KIF2C: variants seen among roughly 807,000 people sequenced by gnomAD.
KIF2C encodes kinesin family member 2C, also known as kinesin-like protein KIF2C.
A neutral mutation model predicts 97.4 loss-of-function variants in KIF2C; 34 were observed. That is an observed-to-expected ratio of 0.35 (90% CI 0.27 to 0.46). KIF2C has a LOEUF of 0.46. Among genes scored for constraint, KIF2C ranks in the 20% least tolerant of loss-of-function variants. The pLI is 1.00. For missense variants in KIF2C, 750 were observed against 907.6 expected (o/e 0.83, Z 2.23); for synonymous variants, 313 against 318.2 (o/e 0.98, Z 0.17).
In KIF2C at chr1:44,765,862, G is replaced by A. The variant is rs150037618; in HGVS notation, c.1972-964G>A. 6.2e-4 allele frequency among the ~76,000 whole-genome samples: 94 copies of A among 152,278 alleles called. No homozygotes were observed. The East Asian group carries it at 0.016, about 26-fold the overall frequency. On this transcript the variant is annotated intron_variant, in intron 19 of 20. Coordinates refer to ENST00000372224, the MANE Select transcript of KIF2C (RefSeq NM_006845.4). ...AGGTCGGGAATTTGAGACCAGCCTG[G>A]CTAACAAGGTGAAATCTTGTCTCTA...
In KIF2C at chr1:44,760,633, G is replaced by T; in HGVS notation, c.1614G>T (p.Pro538=). 4 of 1,614,208 alleles carry T rather than the reference G, an allele frequency of 2.5e-6. No homozygotes were observed. Among genetic ancestry groups the T allele is most frequent in the Non-Finnish European group, 2.5e-6 (3 of 1,180,036 alleles). The change falls in exon 16 of 21, where the codon CCG becomes CCT. Residue 538 remains proline (P), a synonymous_variant. Coordinates refer to ENST00000372224, the MANE Select transcript of KIF2C (RefSeq NM_006845.4). The surrounding 1 kb of genome is among the most constrained non-coding windows in gnomAD (Gnocchi z 4.2). ...TGGGACAGAACAAGGCTCACACCCC[G>T]TTCCGTGAGAGCAAGCTGACACAGG... ...RALGQNKAHT[P]FRESKLTQVL...
intron 2 of KIF2C, among the ~76,000 whole-genome samples, chr1:44,741,658 C>T (rs766372193): frequency 1.3e-5 from 2 of 152,026 alleles, no homozygotes; most frequent in Non-Finnish European, 2.9e-5. Context: ...GCACTCTGGC[C>T]TGGGCGACAG....
intron 2 of KIF2C, among the ~76,000 whole-genome samples, chr1:44,745,247 G>A (rs922080815): frequency 2.6e-5 from 4 of 151,702 alleles, no homozygotes; most frequent in Non-Finnish European, 4.4e-5. Context: ...TAGTTTAGGG[G>A]TTAGAAATGG....
chr1:44,759,342 C>T lies in KIF2C; in HGVS notation c.1361C>T (p.Ala454Val). 1.2e-6 allele frequency: 2 copies of T among 1,614,086 alleles called. No individual in the cohort carries two copies. Among genetic ancestry groups the T allele is most frequent in the Non-Finnish European group, 1.7e-6 (2 of 1,180,000 alleles). The change falls in exon 14 of 21, where the codon GCC (alanine) becomes GTC (valine). Residue 454 changes from alanine to valine, a missense_variant. By Grantham distance (64) the Ala-to-Val change is moderately conservative. Transcript: ENST00000372224. ...ATCAAGATGATCGACATGGGCAGCG[C>T]CTGCAGGTGAGAGTCCTGGTGAGGG... Reference protein sequence around the residue: ...DVIKMIDMGSACRTSGQTFAN... With the variant: ...DVIKMIDMGSVCRTSGQTFAN...
chr1:44,754,023 C>T (rs750616472), intron 7 of KIF2C, among the ~76,000 whole-genome samples, 190 bp downstream of exon 7: 25 of 121,532 alleles, frequency 2.1e-4, no homozygotes, highest in African/African-American at 7.9e-4. Flanking sequence ...GGTGTGATCT[C>T]GGCTCACTGC....
chr1:44,762,530 T>A lies in KIF2C; in HGVS notation c.1858-15T>A, dbSNP rs912976739. ...ACCTGGGTCACATAATTGTCTTTCT[T>A]TTTGGCCCTCTCAGTTATCCAAGGA... On this transcript the variant is annotated splice_polypyrimidine_tract_variant and intron_variant, in intron 18 of 20. Transcript: ENST00000372224. The A allele has an allele frequency of 3.5e-5, 57 of 1,612,416 alleles. No homozygotes were observed. The highest frequency in any genetic ancestry group is 4.6e-5 in the Non-Finnish European group (54 of 1,178,554).
At position 44,760,711 on chromosome 1, in the gene KIF2C, G is replaced by C. The variant is rs571560031; in HGVS notation, c.1683+9G>C. 1.2e-4 allele frequency: 198 copies of C among 1,603,786 alleles called. No homozygotes were observed. The highest frequency in any genetic ancestry group is 1.2e-3 in the South Asian group (109 of 90,800). ...ACTCTAGGACTTGCATGGTGAGTAG[G>C]GTCACTTTGAAGGTGATGGTACAGG... is the stretch of plus-strand genomic sequence containing the variant. On this transcript the variant is annotated intron_variant, in intron 16 of 20. Transcript: ENST00000372224. The surrounding 1 kb of genome is among the most constrained non-coding windows in gnomAD (Gnocchi z 4.2).
chr1:44,761,877 G>A (rs375381076), intron 16 of KIF2C, 39 bp from the exon 17 acceptor site: 113 of 1,596,838 alleles, frequency 7.1e-5, no homozygotes, highest in South Asian at 3.9e-4. Flanking sequence ...CATCCTCACC[G>A]TGCCTCTCAG....
intron 2 of KIF2C, among the ~76,000 whole-genome samples, chr1:44,746,000 C>T (rs1267905063): frequency 6.6e-6 from 1 of 152,152 alleles, no homozygotes; most frequent in East Asian, 1.9e-4. Context: ...CCTCAGGCTC[C>T]TGAGTAGCTG....
Position 44,766,880 on chromosome 1 carries a change from C to G in KIF2C, c.2026C>G (p.Leu676Val), listed in dbSNP as rs370355160. 5 of 1,614,262 alleles carry G rather than the reference C, an allele frequency of 3.1e-6. No homozygotes were observed. The South Asian group carries it at 5.5e-5, about 18-fold the overall frequency. Residue 676 changes from leucine (L) to valine (V), a missense_variant, in exon 20 of 21, where the codon CTG (leucine) becomes GTG (valine). Coordinates refer to ENST00000372224, the MANE Select transcript of KIF2C (RefSeq NM_006845.4). ...SEMTEQPDYD[L>V]ETFVNKAESA... Reference sequence around the variant, plus strand: ...GATGACCGAGCAGCCAGACTATGACCTGGAGACCTTTGTGAACAAAGCGGA... The same window carrying G: ...GATGACCGAGCAGCCAGACTATGACGTGGAGACCTTTGTGAACAAAGCGGA...
chr1:44,746,671 G>C (rs1573553237), intron 2 of KIF2C: 2 of 1,578,970 alleles, frequency 1.3e-6, no homozygotes, highest in South Asian at 2.3e-5. Context: ...CCGACTGTTT[G>C]CCTGCCTGTC....
chr1:44,739,949 C>T lies in KIF2C; in HGVS notation c.17C>T (p.Ser6Leu), dbSNP rs1312479934. The change falls in exon 1 of 21, where the codon TCG becomes TTG. Residue 6 changes from serine to leucine, a missense_variant. Coordinates refer to ENST00000372224, the MANE Select transcript of KIF2C (RefSeq NM_006845.4). Reference protein sequence around the residue: MAMDSSLQARLFPGLA... With the variant: MAMDSLLQARLFPGLA... ...ACTCTCCGAATGGCCATGGACTCGT[C>T]GCTTCAGGCCCGCCTGTTTCCCGGT... 2 of 1,614,170 alleles carry T rather than the reference C, an allele frequency of 1.2e-6. No individual in the cohort carries two copies. Among genetic ancestry groups the T allele is most frequent in the Non-Finnish European group, 1.7e-6 (2 of 1,180,024 alleles).
In KIF2C at chr1:44,761,991, T is replaced by C. The variant is rs1650168146; in HGVS notation, c.1751+8T>C. 6.2e-7 allele frequency: 1 copy of C among 1,611,610 alleles called. No homozygotes were observed. Among genetic ancestry groups the C allele is most frequent in the Non-Finnish European group, 8.5e-7 (1 of 1,177,698 alleles). ...CCTGAGATATGCAGACAGGTACTAG[T>C]ACCTACAGCTAGGTGGGATGCGGAA... On this transcript the variant is annotated splice_region_variant and intron_variant, in intron 17 of 20. Transcript: ENST00000372224.
chr1:44,739,859 G>C lies in KIF2C; in HGVS notation c.-74G>C. 7.2e-7 allele frequency: 1 copy of C among 1,392,790 alleles called. No homozygotes were observed. Among genetic ancestry groups the C allele is most frequent in the Non-Finnish European group, 1.0e-6 (1 of 978,976 alleles). The allele number at this position is 1,392,790 out of a possible 1,614,324, so 86.3% of individuals were successfully genotyped here. On this transcript the variant is annotated 5_prime_UTR_variant, in exon 1 of 21. Coordinates refer to ENST00000372224, the MANE Select transcript of KIF2C (RefSeq NM_006845.4). Reference sequence around the variant, plus strand: ...TTTAAACTGCGGCGGTTTACGCGGCGTTAAGACTTCGTAGGGTTAGCGAAA... The same window carrying C: ...TTTAAACTGCGGCGGTTTACGCGGCCTTAAGACTTCGTAGGGTTAGCGAAA...
At chr1:44,749,280 A>G (rs1273717259) in intron 4 of KIF2C, among the ~76,000 whole-genome samples, 5 of 152,096 alleles carry the variant, frequency 3.3e-5, no homozygotes. Flanking sequence ...CTAAAAATAC[A>G]AAAATTAGCC....
At chr1:44,746,646 T>C (rs1307481268) in intron 2 of KIF2C, 2 of 1,536,900 alleles carry the variant, frequency 1.3e-6, no homozygotes, top group African/African-American at 2.8e-5. Flanking sequence ...GTGGCCTAGA[T>C]CTGCTGTGGA....
Position 44,749,849 on chromosome 1 carries a change from C to T in KIF2C, c.317-593C>T, listed in dbSNP as rs190621900. 3.6e-3 allele frequency among the ~76,000 whole-genome samples: 551 copies of T among 151,702 alleles called. 3 individuals are homozygous for T. The highest frequency in any genetic ancestry group is 0.012 in the African/African-American group (488 of 41,372). Reference sequence around the variant, plus strand: ...ATCCCAGCACTTTGGGAGGCCGAGGCGGGTGGATCACAAGGTCAAGAGATT... The same window carrying T: ...ATCCCAGCACTTTGGGAGGCCGAGGTGGGTGGATCACAAGGTCAAGAGATT... On this transcript the variant is annotated intron_variant, in intron 4 of 20. Transcript: ENST00000372224.
At position 44,756,250 on chromosome 1, in the gene KIF2C, C is replaced by A. The variant is rs1429108665; in HGVS notation, c.977+13C>A. The A allele has an allele frequency of 3.1e-6, 5 of 1,611,726 alleles. No homozygotes were observed. The highest frequency in any genetic ancestry group is 4.2e-6 in the Non-Finnish European group (5 of 1,178,064). ...AAGTTGTCTACAGGTTAGTCCCTTG[C>A]ATCCATTTTTCCCTCCTTGTGCCCT... On this transcript the variant is annotated intron_variant, in intron 10 of 20. Transcript: ENST00000372224.
intron 5 of KIF2C, among the ~76,000 whole-genome samples, 158 bp downstream of exon 5, chr1:44,750,722 C>CT (rs1451699966): frequency 6.6e-6 from 1 of 152,180 alleles, no homozygotes; most frequent in Non-Finnish European, 1.5e-5. Flanking sequence ...GAAATCATCT[C>CT]TTTTTTAAAA....
Sources: gnomAD v4.1 joint callset for allele counts (sites outside exome capture counted in the v4.1 genomes callset) on GRCh38, gnomAD v4.1.1 for gene constraint, Gnocchi (gnomAD v3.1) non-coding constraint, MANE v1.5 for transcripts, NCBI Gene and HGNC (gene_info 2026-07-23, HGNC 2026-07-21) for gene names.